POTEF: variants seen among roughly 807,000 people sequenced by gnomAD.
The protein encoded by POTEF is ANKRD26-like family C member 1B.
Under a neutral mutation model 83.2 loss-of-function variants are expected in POTEF, and 20 were observed. The observed-to-expected ratio is 0.24, with a 90% confidence interval of 0.17 to 0.35. The LOEUF (loss-of-function observed/expected upper bound fraction) is 0.35, where lower values mean the gene tolerates loss of function less well. Among genes scored for constraint, POTEF ranks in the 10% least tolerant of loss-of-function variants. The pLI is 1.00. For synonymous variants in POTEF, 196 were observed against 446.4 expected, an observed-to-expected ratio of 0.44 and a Z score of 7.07; for missense variants, 550 against 1,203.2, an observed-to-expected ratio of 0.46 and a Z score of 8.03.
chr2:130,074,515 T>C lies in POTEF; in HGVS notation c.2957A>G (p.Asp986Gly). 2 of 1,514,080 alleles carry C rather than the reference T, an allele frequency of 1.3e-6. No homozygotes were observed. The highest frequency in any genetic ancestry group is 1.8e-6 in the Non-Finnish European group (2 of 1,113,948). The allele number at this position is 1,514,080 out of a possible 1,614,324, so 93.8% of individuals were successfully genotyped here. A position where few individuals can be genotyped will look rare whatever the true frequency, so the allele number is the denominator to read the frequency against. Residue 986 changes from aspartate to glycine, a missense_variant, in exon 17 of 17, where the codon GAT becomes GGT. Coordinates refer to ENST00000409914, the MANE Select transcript of POTEF (RefSeq NM_001099771.2). ...ETTFNSIMKS[D>G]VDIRKDLYTN... Reference sequence around the variant, plus strand: ...GTACAGGTCTTTGCGGATGTCCACATCAGACTTCATGATGGAGTTGAAGGT... The same window carrying C: ...GTACAGGTCTTTGCGGATGTCCACACCAGACTTCATGATGGAGTTGAAGGT...
At chr2:130,122,844 T>C (rs1470247869) in intron 2 of POTEF, among the ~76,000 whole-genome samples, 17 of 151,946 alleles carry the variant, frequency 1.1e-4, no homozygotes, top group African/African-American at 2.4e-5. Context: ...CAGTTTGTCA[T>C]TGGTGTATAG....
At chr2:130,083,794 ATAG>A (rs1271060726) in intron 15 of POTEF, among the ~76,000 whole-genome samples, 154 of 56,600 alleles carry the variant, frequency 2.7e-3, no homozygotes, top group African/African-American at 0.015. Context: ...TAGACAAGAA[ATAG>A]TAGCTTCCAA....
chr2:130,121,113 T>C (rs1684992397), intron 2 of POTEF, among the ~76,000 whole-genome samples: 1 of 151,310 alleles, frequency 6.6e-6, no homozygotes, highest in South Asian at 2.1e-4. Flanking sequence ...CTGCCGGGCG[T>C]GTGCGCGCGG....
chr2:130,073,986 A>G lies in POTEF; in HGVS notation c.*258T>C, dbSNP rs562118255. On this transcript the variant is annotated 3_prime_UTR_variant, in exon 17 of 17. Transcript: ENST00000409914. ...GCTTCCTGAAACAATGCGTCTCACA[A>G]TATTTGGAATGACTATTGAAAAGAA... 4,739 of 743,106 alleles carry G rather than the reference A, an allele frequency of 6.4e-3. 34 individuals are homozygous for G. Among genetic ancestry groups the G allele is most frequent in the Middle Eastern group, 0.016 (41 of 2,510 alleles). The allele number at this position is 743,106 out of a possible 1,614,324, so 46.0% of individuals were successfully genotyped here.
chr2:130,084,055 C>A (rs1294250751), intron 15 of POTEF, among the ~76,000 whole-genome samples: 1 of 118,542 alleles, frequency 8.4e-6, no homozygotes, highest in African/African-American at 3.6e-5. Context: ...GGACAGTTGA[C>A]ACTCATCAAA....
chr2:130,109,226 A>C (rs1287284655), intron 7 of POTEF: 2 of 149,510 alleles, frequency 1.3e-5, no homozygotes, highest in East Asian at 3.9e-4. Context: ...TGCTTCAAAG[A>C]TCTGTCCTGC....
rs773386089 is a variant in POTEF at position 130,120,553 on chromosome 2, C to G, written c.-38G>C. 3.3e-5 allele frequency: 53 copies of G among 1,609,956 alleles called. No homozygotes were observed. The African/African-American group carries it at 4.3e-4, about 13-fold the overall frequency. On this transcript the variant is annotated 5_prime_UTR_variant, in exon 3 of 17. Coordinates refer to ENST00000409914, the MANE Select transcript of POTEF (RefSeq NM_001099771.2). Reference sequence around the variant, plus strand: ...GCCAGGAGAAGCCAGTAGTAGCCAACAGATCGCGTCTACCAACCAGTTTCA... The same window carrying G: ...GCCAGGAGAAGCCAGTAGTAGCCAAGAGATCGCGTCTACCAACCAGTTTCA...
At chr2:130,101,870 A>G (rs1684383007) in intron 9 of POTEF, among the ~76,000 whole-genome samples, 1 of 138,402 alleles carries the variant, frequency 7.2e-6, no homozygotes, top group South Asian at 2.3e-4. Context: ...AGTATTTTAA[A>G]TTTTATAGTG....
At position 130,128,287 on chromosome 2, in the gene POTEF, G is replaced by A. The variant is rs552260395; in HGVS notation, c.-249-423C>T. ...GGGGTGTGGGCGGGAGGTGCAGGCC[G>A]GAGAACCGCAGTGGGTGTGGGGGCC... is the stretch of plus-strand genomic sequence containing the variant. On this transcript the variant is annotated intron_variant, in intron 1 of 16. Transcript: ENST00000409914. Among the ~76,000 whole-genome samples the A allele has an allele frequency of 1.5e-3, 230 of 151,800 alleles. 2 individuals are homozygous for A. The highest frequency in any genetic ancestry group is 1.0e-2 in the South Asian group (48 of 4,818).
At chr2:130,108,881 T>C (rs1684623683) in intron 7 of POTEF, among the ~76,000 whole-genome samples, 1 of 150,792 alleles carries the variant, frequency 6.6e-6, no homozygotes, top group Non-Finnish European at 1.5e-5. Flanking sequence ...TCTCAGCCAG[T>C]AGATGTCTGT....
chr2:130,116,617 T>C (rs539086993), intron 3 of POTEF, among the ~76,000 whole-genome samples: 1 of 95,268 alleles, frequency 1.0e-5, no homozygotes, highest in Admixed American at 1.3e-4. Flanking sequence ...GGTTTTCTCT[T>C]CCTTTGTTAG....
In POTEF at chr2:130,118,670, G is replaced by A. The variant is rs1307233538; in HGVS notation, c.521+1325C>T. ...GAGATCGCACTACTGCACTCCAGCC[G>A]GGGCAGCAGAGTCAGACTCCATCCA... On this transcript the variant is annotated intron_variant, in intron 3 of 16. Coordinates refer to ENST00000409914, the MANE Select transcript of POTEF (RefSeq NM_001099771.2). Among the ~76,000 whole-genome samples the A allele has an allele frequency of 6.6e-5, 10 of 150,490 alleles. 1 individual carries two copies. Among genetic ancestry groups the A allele is most frequent in the African/African-American group, 2.5e-4 (10 of 40,654 alleles).
chr2:130,127,129 G>A (rs992472873), intron 2 of POTEF, among the ~76,000 whole-genome samples: 10 of 151,482 alleles, frequency 6.6e-5, no homozygotes, highest in Admixed American at 5.3e-4. Context: ...AGACCATCCT[G>A]GCTAACACTG....
intron 6 of POTEF, 76 bp from the exon 7 acceptor site, chr2:130,110,756 T>C (rs1684687742): frequency 1.3e-6 from 1 of 755,000 alleles, no homozygotes; most frequent in East Asian, 3.6e-5. Context: ...ATGTAACATC[T>C]TGCCTGTCTG....
chr2:130,109,812 G>C (rs1437386232), intron 7 of POTEF: 1 of 151,858 alleles, frequency 6.6e-6, no homozygotes, highest in Non-Finnish European at 1.5e-5. Flanking sequence ...ATGCGGGGAA[G>C]GGTCAATTTG....
intron 2 of POTEF, among the ~76,000 whole-genome samples, chr2:130,123,599 C>G (rs1437711863): frequency 6.6e-6 from 1 of 151,494 alleles, no homozygotes; most frequent in Admixed American, 6.6e-5. Context: ...ATACTATTTA[C>G]TAAATATCTC....
intron 2 of POTEF, among the ~76,000 whole-genome samples, chr2:130,125,988 G>A (rs1355714362): frequency 6.6e-6 from 1 of 151,540 alleles, no homozygotes; most frequent in African/African-American, 2.4e-5. Flanking sequence ...GTTTGCTCAG[G>A]CAGATGACAA....
rs1156530692 is a variant in POTEF at position 130,115,256 on chromosome 2, T to C, written c.594A>G (p.Gln198=). ...VVKLLLDRRC[Q]LNVLDNKKRT... ...TCTTTTTGTTGTCAAGGACATTAAG[T>C]TGACATCGTCTGTCCAGCAGGAGTT... Residue 198 remains glutamine, a synonymous_variant, in exon 4 of 17, where the codon CAA becomes CAG. Transcript: ENST00000409914. 6.2e-7 allele frequency: 1 copy of C among 1,612,922 alleles called. No individual in the cohort carries two copies. Among genetic ancestry groups the C allele is most frequent in the Non-Finnish European group, 8.5e-7 (1 of 1,179,896 alleles).
At chr2:130,097,427 G>GT (rs1486551607) in intron 11 of POTEF, among the ~76,000 whole-genome samples, 7 of 114,842 alleles carry the variant, frequency 6.1e-5, no homozygotes, top group Non-Finnish European at 1.0e-4. Flanking sequence ...TATATAACAG[G>GT]TGTAGTTTTC....
Sources: allele counts gnomAD v4.1 joint callset (sites outside exome capture counted in the v4.1 genomes callset), GRCh38; gene constraint gnomAD v4.1.1; transcripts MANE v1.5; gene names NCBI Gene and HGNC (gene_info 2026-07-23, HGNC 2026-07-21).